Variants in TLN2 observed in about 807,000 individuals in gnomAD.
TLN2 encodes the protein talin 2.
TLN2 carries 118 observed loss-of-function variants against 294.7 expected under a neutral mutation model. That is an observed-to-expected ratio of 0.40 (90% CI 0.34 to 0.47). The LOEUF (loss-of-function observed/expected upper bound fraction) is 0.47. TLN2 is among the 20% of genes least tolerant of loss of function. TLN2 has a pLI of 0.84. For missense variants in TLN2, 3,083 were observed against 3,282.2 expected (o/e 0.94, Z 1.48); for synonymous variants, 1,431 against 1,304.5 (o/e 1.10, Z -2.09).
chr15:62,805,043 C>T (rs534786515), intron 50 of TLN2, among the ~76,000 whole-genome samples: 171 of 152,292 alleles, frequency 1.1e-3, no homozygotes, highest in Non-Finnish European at 1.7e-3. Context: ...ACAGTGTCAC[C>T]ATGGCGCACT....
At chr15:62,650,317 G>C (rs1567263557) in intron 5 of TLN2, 136 bp downstream of exon 5, 1 of 779,506 alleles carries the variant, frequency 1.3e-6, no homozygotes, top group East Asian at 2.7e-5. Flanking sequence ...TGTAAGGGCT[G>C]TTCAGGTGGT....
chr15:62,562,548 T>C (rs559465556), intron 1 of TLN2, among the ~76,000 whole-genome samples: 5 of 151,986 alleles, frequency 3.3e-5, no homozygotes, highest in East Asian at 1.9e-4. Flanking sequence ...TATTTATTTA[T>C]TTATTTATTT....
intron 32 of TLN2, among the ~76,000 whole-genome samples, chr15:62,743,737 C>T (rs965926003): frequency 4.6e-5 from 7 of 152,136 alleles, no homozygotes; most frequent in Admixed American, 1.3e-4. Flanking sequence ...GGGTATCCTA[C>T]CTCTGAACAC....
intron 40 of TLN2, among the ~76,000 whole-genome samples, chr15:62,765,837 T>C (rs1253437985): frequency 6.6e-6 from 1 of 152,214 alleles, no homozygotes; most frequent in Non-Finnish European, 1.5e-5. Flanking sequence ...ATTTTCACAG[T>C]GCACTGTTTG....
At chr15:62,703,966 A>G (rs561762135) in intron 19 of TLN2, among the ~76,000 whole-genome samples, 15 of 152,012 alleles carry the variant, frequency 9.9e-5, no homozygotes, top group Middle Eastern at 3.4e-3. Context: ...AGTGCCCTTT[A>G]CTCCTTCTCC....
chr15:62,657,955 G>C (rs74652258), intron 9 of TLN2, 57 bp downstream of exon 9: 59,269 of 1,529,310 alleles, frequency 0.039, 1,690 homozygotes, highest in African/African-American at 0.13. Flanking sequence ...TTCTCTTTCA[G>C]CTTTTTATTT....
intron 12 of TLN2, among the ~76,000 whole-genome samples, chr15:62,691,640 A>G (rs1333279488): frequency 3.9e-5 from 6 of 152,088 alleles, no homozygotes. Context: ...TCTCGATATG[A>G]ATATTTATTT....
chr15:62,482,987 A>G (rs1442515641), intron 1 of TLN2, among the ~76,000 whole-genome samples: 1 of 152,098 alleles, frequency 6.6e-6, no homozygotes, highest in African/African-American at 2.4e-5. Context: ...TGTGAATGAG[A>G]GCAAAGATGG....
intron 1 of TLN2, among the ~76,000 whole-genome samples, chr15:62,428,080 C>T (rs539916141): frequency 6.6e-6 from 1 of 152,168 alleles, no homozygotes; most frequent in South Asian, 2.1e-4. Flanking sequence ...CACCACCCCC[C>T]CTCCACAATT....
chr15:62,554,450 A>G (rs181872888), intron 1 of TLN2, among the ~76,000 whole-genome samples: 73 of 151,532 alleles, frequency 4.8e-4, no homozygotes, highest in African/African-American at 1.6e-3. Context: ...GACTTAGACA[A>G]TGAAAACGCT....
chr15:62,711,938 T>C lies in TLN2; in HGVS notation c.2495T>C (p.Leu832Pro). ...GAAATGGTGCGCCAGGCGCGGGTTC[T>C]GGCCCAAGCCACATCAGACCTCGTC... ...AGEMVRQARV[L>P]AQATSDLVNA... The change falls in exon 22 of 59, where the codon CTG becomes CCG. Residue 832 changes from leucine to proline, a missense_variant. Physicochemically the swap from Leu to Pro is moderately conservative, Grantham distance 98 (BLOSUM62 -3). Transcript: ENST00000636159. The C allele has an allele frequency of 6.2e-7, 1 of 1,611,500 alleles. No homozygotes were observed. The highest frequency in any genetic ancestry group is 8.5e-7 in the Non-Finnish European group (1 of 1,177,858).
At chr15:62,502,418 G>A (rs538506223) in intron 1 of TLN2, among the ~76,000 whole-genome samples, 2 of 152,310 alleles carry the variant, frequency 1.3e-5, no homozygotes, top group East Asian at 3.9e-4. Flanking sequence ...GTGACATATA[G>A]GACAAGCACT....
intron 28 of TLN2, among the ~76,000 whole-genome samples, chr15:62,736,629 A>G (rs959895246): frequency 2.0e-5 from 3 of 151,754 alleles, no homozygotes; most frequent in African/African-American, 7.3e-5. Flanking sequence ...AGTGGGAGCA[A>G]GGGAAGTCAG....
chr15:62,742,605 C>T (rs1362175404), intron 32 of TLN2, among the ~76,000 whole-genome samples: 1 of 151,312 alleles, frequency 6.6e-6, no homozygotes, highest in African/African-American at 2.4e-5. Flanking sequence ...GTGGTGGCTT[C>T]GAAGAAAGGA....
At chr15:62,815,941 T>C (rs1276648717) in intron 52 of TLN2, among the ~76,000 whole-genome samples, 1 of 152,222 alleles carries the variant, frequency 6.6e-6, no homozygotes, top group Non-Finnish European at 1.5e-5. Context: ...TCTTCATCTT[T>C]TGTGGGTCAT....
chr15:62,547,087 G>C (rs2042036143), intron 1 of TLN2, among the ~76,000 whole-genome samples: 1 of 152,152 alleles, frequency 6.6e-6, no homozygotes, highest in Non-Finnish European at 1.5e-5. Flanking sequence ...CCTTATGAAG[G>C]GAGGATTAAC....
At chr15:62,400,351 A>G (rs1424415991) in intron 1 of TLN2, among the ~76,000 whole-genome samples, 1 of 152,266 alleles carries the variant, frequency 6.6e-6, no homozygotes, top group African/African-American at 2.4e-5. Context: ...TTAGAATCTC[A>G]GTCAAGGGAC....
chr15:62,644,411 C>T, intron 3 of TLN2: 1 of 440,746 alleles, frequency 2.3e-6, no homozygotes, highest in Non-Finnish European at 4.6e-6. Flanking sequence ...TGCTCTCCCT[C>T]ACTCCCTAGG....
chr15:62,473,162 T>G (rs1426448941), intron 1 of TLN2, among the ~76,000 whole-genome samples: 1 of 152,190 alleles, frequency 6.6e-6, no homozygotes, highest in Non-Finnish European at 1.5e-5. Context: ...GGGCGTAGAC[T>G]TTTAAAAATG....
Sources: gnomAD v4.1 joint callset for allele counts (sites outside exome capture counted in the v4.1 genomes callset) on GRCh38, gnomAD v4.1.1 for gene constraint, MANE v1.5 for transcripts, NCBI Gene and HGNC (gene_info 2026-07-23, HGNC 2026-07-21) for gene names.